Variants in KICS2 observed in about 807,000 individuals in gnomAD.
The protein encoded by KICS2 is KICSTOR complex protein C12orf66.
A neutral mutation model predicts 31.4 loss-of-function variants in KICS2; 13 were observed. The observed-to-expected ratio is 0.41, with a 90% confidence interval of 0.27 to 0.66. KICS2 has a LOEUF of 0.66. KICS2 is among the 30% of genes least tolerant of loss of function. The probability of loss-of-function intolerance (pLI) is 0.28; values close to 1 mark genes in which losing one functional copy is unlikely to be tolerated. For synonymous variants in KICS2, 209 were observed against 214.8 expected (o/e 0.97, Z 0.24); for missense variants, 455 against 545.4 (o/e 0.83, Z 1.65).
intron 2 of KICS2, among the ~76,000 whole-genome samples, chr12:64,209,580 C>G (rs148278208): frequency 1.3e-5 from 2 of 152,124 alleles, no homozygotes; most frequent in Admixed American, 1.3e-4. Context: ...AGCAAAAACT[C>G]CATCTCAAAA....
rs771539673 is a variant in KICS2, at chr12:64,193,913, G to C, written c.1267C>G (p.Leu423Val). ...SERDSHFISF[L>V]NEVSLALKNP... ...TTAAGGGCAAGTGAGACCTCATTGA[G>C]GAAGGAAATAAAGTGGGAGTCTCTC... The change falls in exon 3 of 3, where the codon CTC (leucine) becomes GTC (valine). Residue 423 changes from leucine to valine, a missense_variant. Leu to Val is a conservative substitution (Grantham distance 32). Transcript: ENST00000398055. 6.2e-7 allele frequency: 1 copy of C among 1,614,172 alleles called. No homozygotes were observed. Among genetic ancestry groups the C allele is most frequent in the Non-Finnish European group, 8.5e-7 (1 of 1,180,036 alleles).
At position 64,194,124 on chromosome 12, in the gene KICS2, C is replaced by T; in HGVS notation, c.1056G>A (p.Leu352=). ...AGTGCATGACTGGCCTGTCGCTGGGCAGAGACACTACAGCTGGATACTGGT... is the reference window on the plus strand; with the variant it reads ...AGTGCATGACTGGCCTGTCGCTGGGTAGAGACACTACAGCTGGATACTGGT... ...GVDQYPAVVS[L]PSDRPVMHWP... The change falls in exon 3 of 3, where the codon CTG becomes CTA. Residue 352 remains leucine (L), a synonymous_variant. Transcript: ENST00000398055. 1.9e-6 allele frequency: 3 copies of T among 1,614,142 alleles called. No individual in the cohort carries two copies. Among genetic ancestry groups the T allele is most frequent in the Non-Finnish European group, 2.5e-6 (3 of 1,180,042 alleles).
chr12:64,212,524 C>A (rs2037591255), intron 2 of KICS2, among the ~76,000 whole-genome samples: 1 of 152,186 alleles, frequency 6.6e-6, no homozygotes, highest in Non-Finnish European at 1.5e-5. Context: ...CTTTTTATTG[C>A]TGAATAATAT....
chr12:64,189,869 A>T (rs552079075), downstream of KICS2, among the ~76,000 whole-genome samples: 4 of 152,340 alleles, frequency 2.6e-5, no homozygotes, highest in South Asian at 8.3e-4. Flanking sequence ...AAAATACAGG[A>T]TGGAAAAACT....
In KICS2 at chr12:64,222,067, G is replaced by A. The variant is rs201997850; in HGVS notation, c.171C>T (p.Ala57=). Residue 57 remains alanine (A), a synonymous_variant, in exon 1 of 3, where the codon GCC becomes GCT. Coordinates refer to ENST00000398055, the MANE Select transcript of KICS2 (RefSeq NM_152440.5). ...TCTCGGCCGCGGCCAGGTGCGCCAA[G>A]GCCGCCAGCAGCGACAGCCAGCTGC... ...AGGSWLSLLA[A]LAHLAAAEKV... is the part of the protein sequence containing the mutation. 6 of 1,613,750 alleles carry A rather than the reference G, an allele frequency of 3.7e-6. No homozygotes were observed. The highest frequency in any genetic ancestry group is 5.1e-6 in the Non-Finnish European group (6 of 1,179,886).
At chr12:64,203,031 C>A (rs2037505254) in intron 2 of KICS2, among the ~76,000 whole-genome samples, 2 of 152,068 alleles carry the variant, frequency 1.3e-5, no homozygotes, top group South Asian at 2.1e-4. Context: ...TTTCTTAATA[C>A]CTCTCTCCCA....
rs530666959 is a variant in KICS2 at position 64,201,900 on chromosome 12, A to T, written c.522-7242T>A. ...CCCAATAAGAAATAGCTAACACTTC[A>T]ATCACTTTCCATTTATCTTAGGATA... is the stretch of plus-strand genomic sequence containing the variant. On this transcript the variant is annotated intron_variant, in intron 2 of 2. Transcript: ENST00000398055. Among the ~76,000 whole-genome samples, 25 of 152,270 alleles carry T rather than the reference A, an allele frequency of 1.6e-4. 1 individual carries two copies. In the South Asian group the frequency reaches 5.2e-3, roughly 32 times the overall value.
intron 2 of KICS2, among the ~76,000 whole-genome samples, chr12:64,202,542 A>G (rs1196318345): frequency 6.6e-6 from 1 of 151,358 alleles, no homozygotes; most frequent in Non-Finnish European, 1.5e-5. Flanking sequence ...TTGAGTCATA[A>G]TGTTCTAGAG....
chr12:64,193,690 C>T lies in KICS2; in HGVS notation c.*152G>A. 2 of 1,436,462 alleles carry T rather than the reference C, an allele frequency of 1.4e-6. No homozygotes were observed. The highest frequency in any genetic ancestry group is 1.5e-5 in the South Asian group (1 of 65,318). 89.0% of individuals were successfully genotyped at this position (1,436,462 alleles called of 1,614,324 possible). ...AACTTAATTCAATTGGCCTTAATTG[C>T]TTATAAAGTGTGCAACACAGGGAGG... is the stretch of plus-strand genomic sequence containing the variant. On this transcript the variant is annotated 3_prime_UTR_variant, in exon 3 of 3. Coordinates refer to ENST00000398055, the MANE Select transcript of KICS2 (RefSeq NM_152440.5).
chr12:64,211,846 C>A (rs1453846114), intron 2 of KICS2, among the ~76,000 whole-genome samples: 1 of 152,114 alleles, frequency 6.6e-6, no homozygotes, highest in African/African-American at 2.4e-5. Flanking sequence ...ATTTTGGAGA[C>A]AACTGGGGAA....
chr12:64,205,635 A>AAGGAAGGAAGGAAAGAGGGG (rs1565717533), intron 2 of KICS2, among the ~76,000 whole-genome samples: 1 of 134,558 alleles, frequency 7.4e-6, no homozygotes, highest in Admixed American at 7.5e-5. Context: ...GGAAAAAGGG[A>AAGGAAGGAAGGAAAGAGGGG]GGGAAGGAAT....
At position 64,194,644 on chromosome 12, in the gene KICS2, A is replaced by G. The variant is rs558474340; in HGVS notation, c.536T>C (p.Ile179Thr). The G allele has an allele frequency of 1.2e-6, 2 of 1,609,356 alleles. No individual in the cohort carries two copies. Among genetic ancestry groups the G allele is most frequent in the African/African-American group, 2.7e-5 (2 of 74,878 alleles). ...GAAACTGCTTTCCAAAGGACTGAGG[A>G]TTGGGTGGTGAAATCTAAAGGGGAG... ...KKYSSRFHHP[I>T]LSPLESSFQL... The change falls in exon 3 of 3, where the codon ATC (isoleucine) becomes ACC (threonine). Residue 179 changes from isoleucine to threonine, a missense_variant. Transcript: ENST00000398055.
At chr12:64,216,058 C>A in intron 1 of KICS2, 95 bp from the exon 2 acceptor site, 1 of 1,169,808 alleles carries the variant, frequency 8.5e-7, no homozygotes, top group Non-Finnish European at 1.2e-6. Context: ...AATCCAAACC[C>A]ATTGAGCTCA....
chr12:64,197,393 C>T (rs2037450448), intron 2 of KICS2, among the ~76,000 whole-genome samples: 1 of 147,186 alleles, frequency 6.8e-6, no homozygotes, highest in Non-Finnish European at 1.5e-5. Flanking sequence ...TACAGACAAG[C>T]AAATGCTGAG....
At chr12:64,189,160 A>AAAAT (rs1182323574), downstream of KICS2, among the ~76,000 whole-genome samples, 3 of 152,208 alleles carry the variant, frequency 2.0e-5, no homozygotes, top group South Asian at 2.1e-4. Flanking sequence ...TCCATCCCAA[A>AAAAT]AAATAAATAA....
chr12:64,194,758 T>C lies in KICS2; in HGVS notation c.522-100A>G, dbSNP rs540076332. ...AGCAACAAAATGGCCAAACATAATA[T>C]TATGCTTCAGGACAGGGGAAGAAAA... On this transcript the variant is annotated intron_variant, in intron 2 of 2. Coordinates refer to ENST00000398055, the MANE Select transcript of KICS2 (RefSeq NM_152440.5). The C allele has an allele frequency of 6.6e-4, 945 of 1,425,552 alleles. 1 individual carries two copies. Among genetic ancestry groups the C allele is most frequent in the Admixed American group, 2.3e-3 (85 of 36,510 alleles). 88.3% of individuals were successfully genotyped at this position (1,425,552 alleles called of 1,614,324 possible).
Position 64,192,757 on chromosome 12 carries a change from T to C in KICS2, c.*1085A>G. 2 of 985,448 alleles carry C rather than the reference T, an allele frequency of 2.0e-6. No individual in the cohort carries two copies. The highest frequency in any genetic ancestry group is 2.4e-6 in the Non-Finnish European group (2 of 829,946). The allele number at this position is 985,448 out of a possible 1,614,324, so 61.0% of individuals were successfully genotyped here. On this transcript the variant is annotated 3_prime_UTR_variant, in exon 3 of 3. Coordinates refer to ENST00000398055, the MANE Select transcript of KICS2 (RefSeq NM_152440.5). ...ATGAACACCTGCCGAAGGAAAGAAA[T>C]AAGGCAGCATGTGCTAAGATGCAGT...
Position 64,222,264 on chromosome 12 carries a change from G to C in KICS2, c.-27C>G. 6.2e-7 allele frequency: 1 copy of C among 1,610,274 alleles called. No homozygotes were observed. Among genetic ancestry groups the C allele is most frequent in the Non-Finnish European group, 8.5e-7 (1 of 1,178,430 alleles). ...CGAGCTGCGCCCCAGCTCGACCCAC[G>C]TGGCTCTCCTCGGCCTCGCACTTCC... On this transcript the variant is annotated 5_prime_UTR_variant, in exon 1 of 3. Coordinates refer to ENST00000398055, the MANE Select transcript of KICS2 (RefSeq NM_152440.5).
chr12:64,218,610 G>T (rs182966368), intron 1 of KICS2, among the ~76,000 whole-genome samples: 101 of 150,888 alleles, frequency 6.7e-4, no homozygotes, highest in Admixed American at 2.0e-3. Flanking sequence ...ACTACAAAAA[G>T]AATAGCTATC....
Sources: allele counts gnomAD v4.1 joint callset (sites outside exome capture counted in the v4.1 genomes callset), GRCh38; gene constraint gnomAD v4.1.1; transcripts MANE v1.5; gene names NCBI Gene and HGNC (gene_info 2026-07-23, HGNC 2026-07-21).